The following BRAP variants were observed in gnomAD, a reference collection of about 807,000 sequenced individuals.
BRAP encodes BRCA1 associated protein, also known as BRCA1-associated protein.
In BRAP, 42 loss-of-function variants were observed where a neutral mutation model predicts 73.4. That is an observed-to-expected ratio of 0.57 (90% CI 0.45 to 0.74). The LOEUF is 0.74. BRAP is among the 30% of genes least tolerant of loss of function. BRAP has a pLI of 0.00. For missense variants in BRAP, 593 were observed against 751.4 expected, an observed-to-expected ratio of 0.79 and a Z score of 2.46; for synonymous variants, 255 against 267.4, an observed-to-expected ratio of 0.95 and a Z score of 0.45.
At chr12:111,655,309 G>A (rs367790899) in intron 10 of BRAP, among the ~76,000 whole-genome samples, 4 of 147,828 alleles carry the variant, frequency 2.7e-5, no homozygotes, top group East Asian at 2.0e-4. Context: ...AACTTCACAA[G>A]GCACTAGAAA....
chr12:111,665,551 G>C lies in BRAP; in HGVS notation c.896+88C>G. On this transcript the variant is annotated intron_variant, in intron 6 of 11. Transcript: ENST00000419234. The surrounding 1 kb of genome is among the most constrained non-coding windows in gnomAD (Gnocchi z 4.3). ...CCTCTTGAATAAAGTCAAATACTTG[G>C]AATGGTTCATTTCTGCTGGTGGCTC... The C allele has an allele frequency of 6.5e-7, 1 of 1,529,610 alleles. No individual in the cohort carries two copies. Among genetic ancestry groups the C allele is most frequent in the South Asian group, 1.2e-5 (1 of 83,400 alleles). The allele number at this position is 1,529,610 out of a possible 1,614,324, so 94.8% of individuals were successfully genotyped here.
chr12:111,673,614 A>G (rs187577562), intron 4 of BRAP, among the ~76,000 whole-genome samples: 4 of 152,056 alleles, frequency 2.6e-5, no homozygotes, highest in East Asian at 1.9e-4. Context: ...TCTTTAATAA[A>G]CCAAATAATA....
At chr12:111,677,502 A>G (rs987469645) in intron 4 of BRAP, among the ~76,000 whole-genome samples, 2 of 152,088 alleles carry the variant, frequency 1.3e-5, no homozygotes, top group African/African-American at 4.8e-5. Flanking sequence ...CTCTGCAGTC[A>G]CCCTCCTCAT....
At chr12:111,674,070 G>T (rs539115267) in intron 4 of BRAP, among the ~76,000 whole-genome samples, 1 of 152,326 alleles carries the variant, frequency 6.6e-6, no homozygotes, top group Non-Finnish European at 1.5e-5. Context: ...TTCTGCAACA[G>T]GAAATGCAGC....
intron 11 of BRAP, among the ~76,000 whole-genome samples, chr12:111,645,084 T>A (rs992955591): frequency 2.0e-5 from 3 of 151,588 alleles, no homozygotes; most frequent in African/African-American, 4.9e-5. Context: ...TTATTTATTT[T>A]TTGAGATGGA....
chr12:111,650,995 C>A lies in BRAP; in HGVS notation c.1312-953G>T, dbSNP rs868602808. On this transcript the variant is annotated intron_variant, in intron 10 of 11. Transcript: ENST00000419234. ...GGCTAGGTAGATACTGGATCCACTC[C>A]TGTGTGAAGATCTGCGAACTTGGGA... 4.6e-5 allele frequency among the ~76,000 whole-genome samples: 7 copies of A among 152,236 alleles called. No homozygotes were observed. In the East Asian group the frequency reaches 1.4e-3, roughly 29 times the overall value.
At chr12:111,663,214 G>A (rs948403665) in intron 6 of BRAP, among the ~76,000 whole-genome samples, 19 of 152,166 alleles carry the variant, frequency 1.2e-4, no homozygotes, top group Admixed American at 1.2e-3. Flanking sequence ...AGCACTCTGG[G>A]AGGCTGAGGT....
At chr12:111,649,710 G>A (rs1382919786) in intron 11 of BRAP, among the ~76,000 whole-genome samples, 3 of 152,230 alleles carry the variant, frequency 2.0e-5, no homozygotes, top group Non-Finnish European at 4.4e-5. Context: ...GAAGATATCT[G>A]CACACACTGC....
chr12:111,681,144 C>A (rs866172227), intron 3 of BRAP, among the ~76,000 whole-genome samples: 3 of 151,824 alleles, frequency 2.0e-5, no homozygotes, highest in Non-Finnish European at 4.4e-5. Context: ...CTGAGGCGGG[C>A]GGATAACCTG....
Position 111,681,735 on chromosome 12 carries a change from T to C in BRAP, c.345A>G (p.Pro115=), listed in dbSNP as rs553062488. Residue 115 remains proline, a synonymous_variant, in exon 3 of 12, where the codon CCA becomes CCG. Transcript: ENST00000419234. ...CTGGAAGCTGTTTGGACGGAGAATC[T>C]GGGGCAGCGTTTATGCATTCCTTAC... is the stretch of plus-strand genomic sequence containing the variant. The part of the protein sequence containing the change: ...DHSKECINAA[P]DSPSKQLPDQ... The C allele has an allele frequency of 1.9e-6, 3 of 1,614,134 alleles. No individual in the cohort carries two copies. The highest frequency in any genetic ancestry group is 2.7e-5 in the African/African-American group (2 of 75,050).
intron 6 of BRAP, among the ~76,000 whole-genome samples, chr12:111,663,135 C>T (rs1158554252): frequency 1.3e-5 from 2 of 152,136 alleles, no homozygotes; most frequent in East Asian, 3.9e-4. Flanking sequence ...TGATATACTA[C>T]CTCATCTGTC....
intron 9 of BRAP, 143 bp from the exon 10 acceptor site, chr12:111,655,798 C>A: frequency 1.5e-6 from 1 of 662,412 alleles, no homozygotes; most frequent in Non-Finnish European, 2.7e-6. Flanking sequence ...TTCTACTCTA[C>A]TCAATATATA....
At position 111,665,527 on chromosome 12, in the gene BRAP, CT is replaced by C; in HGVS notation, c.896+111del. On this transcript the variant is annotated intron_variant, in intron 6 of 11. Transcript: ENST00000419234. This position sits in a 1 kb window ranked among gnomAD's most constrained non-coding sequence, Gnocchi z 4.3. ...TAGGAAAGGGAAGGAGAAAAAGGAC[CT>C]CTTGAATAAAGTCAAATACTTGGAA... is the stretch of plus-strand genomic sequence containing the variant. The C allele has an allele frequency of 1.1e-5, 15 of 1,427,500 alleles. No individual in the cohort carries two copies. Among genetic ancestry groups the C allele is most frequent in the Non-Finnish European group, 1.4e-5 (15 of 1,055,556 alleles). 88.4% of individuals were successfully genotyped at this position (1,427,500 alleles called of 1,614,324 possible).
intron 10 of BRAP, among the ~76,000 whole-genome samples, chr12:111,654,307 T>G (rs1055806917): frequency 3.3e-5 from 5 of 151,972 alleles, no homozygotes; most frequent in African/African-American, 1.2e-4. Context: ...GCAGATCATT[T>G]TAAAACTGAC....
Position 111,644,835 on chromosome 12 carries a change from C to CTGAG in BRAP, c.1416-274_1416-273insCTCA, listed in dbSNP as rs1344963218. 2.0e-5 allele frequency among the ~76,000 whole-genome samples: 3 copies of CTGAG among 152,250 alleles called. No homozygotes were observed. In the East Asian group the frequency reaches 5.8e-4, roughly 29 times the overall value. ...GCAATGGCACGATCTCAGCTCACTG[C>CTGAG]AACCTCCACCTCCTGGGTTCAAGCG... On this transcript the variant is annotated intron_variant, in intron 11 of 11. Transcript: ENST00000419234.
chr12:111,658,776 T>TCC lies in BRAP; in HGVS notation c.1179_1180dup (p.Asp394GlyfsTer9). 6.2e-7 allele frequency: 1 copy of TCC among 1,612,256 alleles called. No homozygotes were observed. Among genetic ancestry groups the TCC allele is most frequent in the Non-Finnish European group, 8.5e-7 (1 of 1,178,414 alleles). ...ATCTATTTTCTCTTCCTGGCAAGTATCCCCCTCACATTCATACTGTACTAT... is the reference window on the plus strand; with the variant it reads ...ATCTATTTTCTCTTCCTGGCAAGTATCCCCCCCTCACATTCATACTGTACTAT... On this transcript the variant is annotated frameshift_variant, in exon 9 of 12. Coordinates refer to ENST00000419234, the MANE Select transcript of BRAP (RefSeq NM_006768.5). LOFTEE classifies it high-confidence loss of function.
In BRAP at chr12:111,644,284, G is replaced by A. The variant is rs753776753; in HGVS notation, c.1694C>T (p.Ala565Val). 1 of 1,614,148 alleles carries A rather than the reference G, an allele frequency of 6.2e-7. No individual in the cohort carries two copies. Among genetic ancestry groups the A allele is most frequent in the Non-Finnish European group, 8.5e-7 (1 of 1,180,030 alleles). ...GGCAGGGCTCGAGGCCGAGGCCATG[G>A]CGATGTTGATCTGTCCCTCCTGGAT... Reference protein sequence around the residue: ...QEIQEGQINIAMASASSPASS... With the variant: ...QEIQEGQINIVMASASSPASS... The change falls in exon 12 of 12, where the codon GCC becomes GTC. Residue 565 changes from alanine (A) to valine (V), a missense_variant. Coordinates refer to ENST00000419234, the MANE Select transcript of BRAP (RefSeq NM_006768.5).
intron 11 of BRAP, among the ~76,000 whole-genome samples, chr12:111,647,208 T>C (rs1426668671): frequency 3.3e-5 from 5 of 152,062 alleles, no homozygotes; most frequent in South Asian, 4.2e-4. Context: ...TAGCTGGAGG[T>C]TGCAGTGAAC....
intron 1 of BRAP, among the ~76,000 whole-genome samples, chr12:111,683,566 A>G (rs1337789406): frequency 1.3e-5 from 2 of 152,062 alleles, no homozygotes; most frequent in Admixed American, 6.6e-5. Context: ...TTTGAGACAG[A>G]GTCTCACTCT....
Sources: gnomAD v4.1 joint callset for allele counts (sites outside exome capture counted in the v4.1 genomes callset) on GRCh38, gnomAD v4.1.1 for gene constraint, Gnocchi (gnomAD v3.1) non-coding constraint, MANE v1.5 for transcripts, NCBI Gene and HGNC (gene_info 2026-07-23, HGNC 2026-07-21) for gene names.